Variants in TRAPPC11 observed in about 807,000 individuals in gnomAD.
TRAPPC11 encodes trafficking protein particle complex subunit 11.
A neutral mutation model predicts 151.2 loss-of-function variants in TRAPPC11; 104 were observed. That is an observed-to-expected ratio of 0.69 (90% CI 0.59 to 0.81). The LOEUF is 0.81. Among genes scored for constraint, TRAPPC11 ranks in the 30% least tolerant of loss-of-function variants. The pLI is 0.00. For missense variants in TRAPPC11, 1,230 were observed against 1,349.6 expected (o/e 0.91, Z 1.39); for synonymous variants, 456 against 472.3 (o/e 0.97, Z 0.45).
chr4:183,710,216 CTT>C (rs1422336978), intron 29 of TRAPPC11, among the ~76,000 whole-genome samples: 1 of 152,070 alleles, frequency 6.6e-6, no homozygotes, highest in African/African-American at 2.4e-5. Flanking sequence ...CTTGTTCAGT[CTT>C]TTGATTTTCT....
chr4:183,661,797 T>C (rs2111279735), intron 1 of TRAPPC11, among the ~76,000 whole-genome samples: 1 of 147,404 alleles, frequency 6.8e-6, no homozygotes. Context: ...AATCTTGCTC[T>C]GTCACCCAGG....
At chr4:183,699,234 T>G (rs772837189) in intron 25 of TRAPPC11, among the ~76,000 whole-genome samples, 2 of 152,204 alleles carry the variant, frequency 1.3e-5, no homozygotes, top group Non-Finnish European at 2.9e-5. Flanking sequence ...TTTGGAACTT[T>G]TGTGTAAAAC....
intron 27 of TRAPPC11, among the ~76,000 whole-genome samples, chr4:183,705,439 G>T (rs1194836326): frequency 6.6e-6 from 1 of 151,944 alleles, no homozygotes; most frequent in Non-Finnish European, 1.5e-5. Context: ...AGTTTATTTT[G>T]AGGACTATAC....
At chr4:183,675,908 A>C (rs1735384890) in intron 7 of TRAPPC11, among the ~76,000 whole-genome samples, 1 of 152,354 alleles carries the variant, frequency 6.6e-6, no homozygotes, top group East Asian at 1.9e-4. Context: ...AGCAGAATTC[A>C]ATGAAACTTG....
intron 1 of TRAPPC11, among the ~76,000 whole-genome samples, chr4:183,661,787 A>G (rs1013246190): frequency 2.6e-5 from 3 of 114,318 alleles, no homozygotes; most frequent in Non-Finnish European, 5.3e-5. Context: ...TTTGTGGCAC[A>G]ATCTTGCTCT....
At position 183,680,710 on chromosome 4, in the gene TRAPPC11, G is replaced by T. The variant is rs190209241; in HGVS notation, c.1113+443G>T. On this transcript the variant is annotated intron_variant, in intron 10 of 29. Coordinates refer to ENST00000334690, the MANE Select transcript of TRAPPC11 (RefSeq NM_021942.6). ...TTTTTTTTTTTTTTTTGGAGATGGA[G>T]TCTGTCTCTTGTTGCCCAGGCTAGA... Among the ~76,000 whole-genome samples, 678 of 125,768 alleles carry T rather than the reference G, an allele frequency of 5.4e-3. 5 individuals are homozygous for T. Among genetic ancestry groups the T allele is most frequent in the Middle Eastern group, 0.01 (2 of 194 alleles). 82.5% of individuals were successfully genotyped at this position (125,768 alleles called of 152,430 possible). A position where few individuals can be genotyped will look rare whatever the true frequency, so the allele number is the denominator to read the frequency against.
At chr4:183,705,731 A>C (rs779591085) in intron 27 of TRAPPC11, among the ~76,000 whole-genome samples, 1 of 152,116 alleles carries the variant, frequency 6.6e-6, no homozygotes, top group Non-Finnish European at 1.5e-5. Context: ...GTCCCTATAA[A>C]TTGGCAGCCT....
At chr4:183,706,447 C>T (rs540809758) in intron 27 of TRAPPC11, among the ~76,000 whole-genome samples, 10 of 151,462 alleles carry the variant, frequency 6.6e-5, no homozygotes, top group Admixed American at 3.3e-4. Context: ...GGCGTGAACC[C>T]GGGAGGCGGA....
In TRAPPC11 at chr4:183,692,963, A is replaced by G. The variant is rs769453034; in HGVS notation, c.2053A>G (p.Thr685Ala). ...ACATCCTTTTTTTTCTTTTTAGATT[A>G]CTTCAGTGGATCTTGCTCTGGGCAA... is the stretch of plus-strand genomic sequence containing the variant. ...TEDVGKKIEI[T>A]SVDLALGNET... The change falls in exon 20 of 30, where the codon ACT becomes GCT. Residue 685 changes from threonine (T) to alanine (A), a missense_variant. Coordinates refer to ENST00000334690, the MANE Select transcript of TRAPPC11 (RefSeq NM_021942.6). The G allele has an allele frequency of 1.9e-6, 3 of 1,595,058 alleles. No homozygotes were observed. Among genetic ancestry groups the G allele is most frequent in the South Asian group, 2.3e-5 (2 of 88,646 alleles).
intron 26 of TRAPPC11, among the ~76,000 whole-genome samples, chr4:183,702,252 G>A (rs904865505): frequency 6.6e-6 from 1 of 152,022 alleles, no homozygotes; most frequent in African/African-American, 2.4e-5. Flanking sequence ...GCTGAGGGGG[G>A]AGGATGACTT....
At chr4:183,681,988 T>G (rs1471749738) in intron 10 of TRAPPC11, among the ~76,000 whole-genome samples, 2 of 152,190 alleles carry the variant, frequency 1.3e-5, no homozygotes, top group Non-Finnish European at 2.9e-5. Context: ...ATAGGGAATT[T>G]GTTAAAATAT....
Position 183,684,859 on chromosome 4 carries a change from G to A in TRAPPC11, c.1567+18G>A. On this transcript the variant is annotated intron_variant, in intron 15 of 29. Coordinates refer to ENST00000334690, the MANE Select transcript of TRAPPC11 (RefSeq NM_021942.6). The stretch of plus-strand genomic sequence containing the variant: ...TGGTAGAGGTAACCTGATGTTTTTT[G>A]AGTAAAATTCTTGATACATAAAATT... The A allele has an allele frequency of 6.2e-7, 1 of 1,600,678 alleles. No individual in the cohort carries two copies. The highest frequency in any genetic ancestry group is 8.5e-7 in the Non-Finnish European group (1 of 1,174,428).
chr4:183,688,034 C>A (rs966326572), intron 18 of TRAPPC11, among the ~76,000 whole-genome samples: 1 of 152,160 alleles, frequency 6.6e-6, no homozygotes, highest in African/African-American at 2.4e-5. Flanking sequence ...AGTAGATAAT[C>A]ATCTTTTGAT....
intron 5 of TRAPPC11, among the ~76,000 whole-genome samples, chr4:183,672,094 T>A (rs1456173827): frequency 3.3e-5 from 5 of 152,214 alleles, no homozygotes; most frequent in African/African-American, 1.2e-4. Flanking sequence ...AAAGCATCCA[T>A]GTTAAATTCC....
At chr4:183,685,506 A>C (rs1735920292) in intron 17 of TRAPPC11, 103 bp downstream of exon 17, 1 of 1,349,326 alleles carries the variant, frequency 7.4e-7, no homozygotes, top group Admixed American at 2.0e-5. Context: ...AAGAGTTTTC[A>C]AAGTATAATC....
At chr4:183,711,202 C>T (rs1292973455) in intron 29 of TRAPPC11, among the ~76,000 whole-genome samples, 1 of 152,044 alleles carries the variant, frequency 6.6e-6, no homozygotes, top group African/African-American at 2.4e-5. Context: ...ATTTTAGGTC[C>T]TAGTGCACCT....
At chr4:183,705,203 C>A in intron 27 of TRAPPC11, 133 bp downstream of exon 27, 1 of 562,668 alleles carries the variant, frequency 1.8e-6, no homozygotes, top group Non-Finnish European at 3.2e-6. Context: ...TATGGCCAGT[C>A]TTGCTTCCTC....
chr4:183,679,201 C>A, intron 8 of TRAPPC11, 152 bp from the exon 9 acceptor site: 1 of 660,062 alleles, frequency 1.5e-6, no homozygotes, highest in Non-Finnish European at 2.3e-6. Flanking sequence ...CATAACCATT[C>A]TGATGAGGAA....
chr4:183,707,905 C>A (rs1334312723), intron 28 of TRAPPC11, among the ~76,000 whole-genome samples: 1 of 151,266 alleles, frequency 6.6e-6, no homozygotes, highest in East Asian at 1.9e-4. Flanking sequence ...AAAGTATTGT[C>A]AAAGATTTTC....
Sources: allele counts gnomAD v4.1 joint callset (sites outside exome capture counted in the v4.1 genomes callset), GRCh38; gene constraint gnomAD v4.1.1; transcripts MANE v1.5; gene names NCBI Gene and HGNC (gene_info 2026-07-23, HGNC 2026-07-21).